Variants in MEIG1 observed in about 807,000 individuals in gnomAD.
MEIG1 encodes the protein meiosis/spermiogenesis associated 1, also known as meiosis expressed gene 1 protein homolog.
Under a neutral mutation model 11.3 loss-of-function variants are expected in MEIG1, and 12 were observed. The ratio of observed to expected loss-of-function variants is 1.07; its 90% CI spans 0.68 to 1.73. The LOEUF is 1.73. Ranked by LOEUF, MEIG1 falls within the 40% of genes most tolerant of loss-of-function variation. MEIG1 has a pLI of 0.00. For synonymous variants in MEIG1, 41 were observed against 33.2 expected (o/e 1.24, Z -0.81); for missense variants, 119 against 104.9 (o/e 1.13, Z -0.59).
chr10:14,982,665 C>G (rs1843276866), intron 1 of MEIG1, among the ~76,000 whole-genome samples: 1 of 152,050 alleles, frequency 6.6e-6, no homozygotes. Context: ...TTTGGATCCC[C>G]GTTTTGGGTC....
chr10:14,962,090 G>A (rs562908283), intron 1 of MEIG1, among the ~76,000 whole-genome samples: 6 of 151,972 alleles, frequency 3.9e-5, no homozygotes, highest in Admixed American at 6.6e-5. Context: ...GGTGTGAGCC[G>A]CTGCATCCAG....
chr10:14,956,443 A>G (rs566862312), upstream of MEIG1, among the ~76,000 whole-genome samples: 2 of 151,796 alleles, frequency 1.3e-5, no homozygotes, highest in South Asian at 2.1e-4. Context: ...ATAGCCAGGC[A>G]TGGAGTCAGG....
intron 1 of MEIG1, among the ~76,000 whole-genome samples, chr10:14,982,232 C>T (rs535988357): frequency 6.6e-6 from 1 of 152,282 alleles, no homozygotes; most frequent in East Asian, 1.9e-4. Flanking sequence ...CTGAGCTCCC[C>T]TCATTAATCC....
chr10:14,970,066 T>TACA (rs1843132116), intron 2 of MEIG1, among the ~76,000 whole-genome samples: 1 of 152,124 alleles, frequency 6.6e-6, no homozygotes, highest in Non-Finnish European at 1.5e-5. Flanking sequence ...TTGCAGTGGG[T>TACA]CTTCAGGGAC....
At chr10:14,962,547 T>TTTA (rs1345190355) in intron 1 of MEIG1, among the ~76,000 whole-genome samples, 6 of 152,228 alleles carry the variant, frequency 3.9e-5, no homozygotes, top group African/African-American at 7.2e-5. Flanking sequence ...TTATGTATAG[T>TTTA]TGCCATAATT....
At chr10:14,956,467 A>G (rs753899215), upstream of MEIG1, among the ~76,000 whole-genome samples, 1 of 151,972 alleles carries the variant, frequency 6.6e-6, no homozygotes, top group Non-Finnish European at 1.5e-5. Flanking sequence ...CTGTAATCCC[A>G]GCTACTCAGG....
At position 14,966,565 on chromosome 10, in the gene MEIG1, C is replaced by T. The variant is rs751542160; in HGVS notation, c.97C>T (p.Arg33Trp). The T allele has an allele frequency of 6.2e-6, 10 of 1,611,588 alleles. No homozygotes were observed. The highest frequency in any genetic ancestry group is 2.7e-5 in the African/African-American group (2 of 74,704). ...NLYRFQQAGYRDETEYRQVKQ... is the reference protein window; with the variant it reads ...NLYRFQQAGYWDETEYRQVKQ... ...GTACAGATTTCAACAAGCAGGATATCGGGATGAAACCGAATATAGACAAGT... is the reference window on the plus strand; with the variant it reads ...GTACAGATTTCAACAAGCAGGATATTGGGATGAAACCGAATATAGACAAGT... The change falls in exon 2 of 3, where the codon CGG (arginine) becomes TGG (tryptophan). Residue 33 changes from arginine to tryptophan, a missense_variant. Arg to Trp is a moderately radical substitution (Grantham distance 101, BLOSUM62 -3). Transcript: ENST00000407572.
chr10:14,954,967 T>C (rs1842899965), upstream of MEIG1, among the ~76,000 whole-genome samples: 1 of 152,242 alleles, frequency 6.6e-6, no homozygotes, highest in Non-Finnish European at 1.5e-5. Flanking sequence ...GGTCTAGTTC[T>C]ATCGCCCAGG....
downstream of MEIG1, among the ~76,000 whole-genome samples, chr10:14,977,627 A>G (rs929594730): frequency 8.6e-5 from 13 of 151,844 alleles, no homozygotes; most frequent in African/African-American, 2.4e-4. Context: ...TAATTTCTTC[A>G]AGAGATATAA....
chr10:14,984,187 C>CTGA (rs1843294084), intron 1 of MEIG1, among the ~76,000 whole-genome samples: 1 of 150,820 alleles, frequency 6.6e-6, no homozygotes, highest in South Asian at 2.1e-4. Flanking sequence ...GAGGGGGGTG[C>CTGA]TATTACTCCC....
intron 1 of MEIG1, among the ~76,000 whole-genome samples, chr10:14,983,151 A>C (rs1843282230): frequency 6.6e-6 from 1 of 152,104 alleles, no homozygotes; most frequent in Admixed American, 6.5e-5. Flanking sequence ...ATATCGCAGT[A>C]GCTGTACACC....
At chr10:14,964,577 GTGTGTGTGTA>G (rs1221300630) in intron 1 of MEIG1, among the ~76,000 whole-genome samples, 2 of 81,524 alleles carry the variant, frequency 2.5e-5, no homozygotes, top group Non-Finnish European at 5.0e-5. Flanking sequence ...GTGTGTGTGT[GTGTGTGTGTA>G]TATATATATA....
intron 1 of MEIG1, among the ~76,000 whole-genome samples, chr10:14,981,003 T>A (rs1192028749): frequency 6.6e-6 from 1 of 152,178 alleles, no homozygotes; most frequent in African/African-American, 2.4e-5. Context: ...GACCTTGGTC[T>A]GTGGCTTGGG....
At chr10:14,965,073 C>T (rs1843064320) in intron 1 of MEIG1, among the ~76,000 whole-genome samples, 1 of 147,098 alleles carries the variant, frequency 6.8e-6, no homozygotes, top group Non-Finnish European at 1.5e-5. Context: ...CTCGAGCCAC[C>T]ATGTCCAGCC....
At chr10:14,977,571 C>A (rs7913310), downstream of MEIG1, among the ~76,000 whole-genome samples, 151,854 of 151,870 alleles carry the variant, frequency 1, 75,919 homozygotes, top group Middle Eastern at 1. Context: ...TTTAAATATC[C>A]CAGTGGGTGT....
At chr10:14,960,997 C>G (rs183609088) in intron 1 of MEIG1, among the ~76,000 whole-genome samples, 32 of 152,126 alleles carry the variant, frequency 2.1e-4, no homozygotes, top group Admixed American at 1.8e-3. Context: ...CCATGGCGCT[C>G]CAGCCTGAGC....
At chr10:14,982,199 A>T (rs1242554198) in intron 1 of MEIG1, among the ~76,000 whole-genome samples, 1 of 152,080 alleles carries the variant, frequency 6.6e-6, no homozygotes, top group Non-Finnish European at 1.5e-5. Context: ...GACCTCAGAG[A>T]CCTTGTTAAC....
At chr10:14,975,599 G>A (rs1388098038), downstream of MEIG1, among the ~76,000 whole-genome samples, 1 of 152,066 alleles carries the variant, frequency 6.6e-6, no homozygotes. Flanking sequence ...TTTGTAATGT[G>A]CAGGGCGGGG....
intron 1 of MEIG1, among the ~76,000 whole-genome samples, chr10:14,962,249 T>G (rs967363097): frequency 6.6e-5 from 10 of 152,214 alleles, no homozygotes; most frequent in Admixed American, 3.9e-4. Flanking sequence ...AATTGTAAGT[T>G]GATCTTTCCT....
Sources: allele counts gnomAD v4.1 joint callset (sites outside exome capture counted in the v4.1 genomes callset), GRCh38; gene constraint gnomAD v4.1.1; transcripts MANE v1.5; gene names NCBI Gene and HGNC (gene_info 2026-07-23, HGNC 2026-07-21).